DPYD: variants seen among roughly 807,000 people sequenced by gnomAD.
The protein encoded by DPYD is dihydropyrimidine dehydrogenase [NADP(+)].
Under a neutral mutation model 116.2 loss-of-function variants are expected in DPYD, and 109 were observed. The ratio of observed to expected loss-of-function variants is 0.94; its 90% CI spans 0.80 to 1.10. DPYD has a LOEUF of 1.10. Ranked by LOEUF, DPYD falls within the 50% of genes least tolerant of loss-of-function variation. The probability of loss-of-function intolerance (pLI) is 0.00; values close to 1 mark genes in which losing one functional copy is unlikely to be tolerated. For synonymous variants in DPYD, 440 were observed against 432.0 expected, an observed-to-expected ratio of 1.02 and a Z score of -0.23; for missense variants, 1,302 against 1,254.5, an observed-to-expected ratio of 1.04 and a Z score of -0.57.
rs142105096 is a variant in DPYD at position 97,159,944 on chromosome 1, T to C, written c.2622+33125A>G. Among the ~76,000 whole-genome samples the C allele has an allele frequency of 2.6e-3, 392 of 152,128 alleles. 1 individual carries two copies. Among genetic ancestry groups the C allele is most frequent in the African/African-American group, 9.1e-3 (380 of 41,546 alleles). On this transcript the variant is annotated intron_variant, in intron 20 of 22. Transcript: ENST00000370192. ...CTCCTTCCTTGTCTTCTTCTCTCCC[T>C]CCTTCCCTCTCTCCTGTCCTTCTTT...
chr1:97,237,611 T>G (rs1283293110), intron 18 of DPYD, among the ~76,000 whole-genome samples: 1 of 152,182 alleles, frequency 6.6e-6, no homozygotes, highest in Admixed American at 6.5e-5. Context: ...ACAGAATTTA[T>G]AGTGAGAATA....
intron 13 of DPYD, among the ~76,000 whole-genome samples, chr1:97,459,039 G>A (rs1676864689): frequency 6.6e-6 from 1 of 151,340 alleles, no homozygotes; most frequent in Non-Finnish European, 1.5e-5. Context: ...GTATATAATG[G>A]GATTATCAGA....
chr1:97,769,459 T>G (rs543829177), intron 3 of DPYD, among the ~76,000 whole-genome samples: 96 of 152,286 alleles, frequency 6.3e-4, no homozygotes, highest in African/African-American at 2.0e-3. Flanking sequence ...TTATATGATT[T>G]CATTTTAAAT....
At chr1:97,171,181 C>A (rs763163141) in intron 20 of DPYD, among the ~76,000 whole-genome samples, 1 of 152,038 alleles carries the variant, frequency 6.6e-6, no homozygotes, top group East Asian at 1.9e-4. Context: ...TGCCAATAAA[C>A]GGAAGGTCCA....
At chr1:97,153,370 G>A (rs1655176433) in intron 20 of DPYD, among the ~76,000 whole-genome samples, 1 of 152,040 alleles carries the variant, frequency 6.6e-6, no homozygotes, top group Non-Finnish European at 1.5e-5. Context: ...ATAGCCCCAG[G>A]AGAACATGGC....
chr1:97,181,061 A>G (rs80184654), intron 20 of DPYD, among the ~76,000 whole-genome samples: 10,784 of 152,172 alleles, frequency 0.071, 668 homozygotes, highest in East Asian at 0.27. Flanking sequence ...GGAAGTGGAA[A>G]TCCATGTTCT....
At chr1:97,545,689 G>A (rs2102069304) in intron 12 of DPYD, 1 of 812,648 alleles carries the variant, frequency 1.2e-6, no homozygotes, top group South Asian at 1.7e-5. Context: ...TAAAAACTGT[G>A]AAACTAAAAA....
intron 3 of DPYD, among the ~76,000 whole-genome samples, chr1:97,760,799 C>A (rs757550851): frequency 6.6e-6 from 1 of 152,060 alleles, no homozygotes; most frequent in Non-Finnish European, 1.5e-5. Flanking sequence ...GCAGAGATAG[C>A]CTAGAATCAA....
chr1:97,145,586 G>C (rs1654556161), intron 20 of DPYD, among the ~76,000 whole-genome samples: 1 of 152,100 alleles, frequency 6.6e-6, no homozygotes, highest in African/African-American at 2.4e-5. Context: ...TTGTCAAGTT[G>C]TTTTTGGACA....
rs543176228 is a variant in DPYD, at chr1:97,281,576, T to C, written c.2299+23683A>G. Among the ~76,000 whole-genome samples, 169 of 152,060 alleles carry C rather than the reference T, an allele frequency of 1.1e-3. 1 individual carries two copies. Among genetic ancestry groups the C allele is most frequent in the African/African-American group, 3.7e-3 (154 of 41,522 alleles). On this transcript the variant is annotated intron_variant, in intron 18 of 22. Transcript: ENST00000370192. ...TTATACCCAATCAAATTATTAAGTA[T>C]GAGGATAGAATAAAAACATTTTCAA... is the stretch of plus-strand genomic sequence containing the variant.
chr1:97,678,611 T>C (rs1485189055), intron 8 of DPYD, among the ~76,000 whole-genome samples: 2 of 152,166 alleles, frequency 1.3e-5, no homozygotes, highest in African/African-American at 4.8e-5. Context: ...TCAGGAGTAA[T>C]ACACTGTCTA....
At chr1:97,398,642 C>T (rs1673158110) in intron 14 of DPYD, among the ~76,000 whole-genome samples, 1 of 152,160 alleles carries the variant, frequency 6.6e-6, no homozygotes, top group African/African-American at 2.4e-5. Flanking sequence ...GCCATTCTAA[C>T]TGGTGTGAGA....
intron 14 of DPYD, among the ~76,000 whole-genome samples, chr1:97,443,937 G>A (rs1009853597): frequency 6.6e-6 from 1 of 152,102 alleles, no homozygotes; most frequent in Non-Finnish European, 1.5e-5. Flanking sequence ...CATCCTCCTC[G>A]CTTGCAGGAC....
chr1:97,880,024 A>G (rs1208401258), intron 2 of DPYD, among the ~76,000 whole-genome samples: 1 of 151,748 alleles, frequency 6.6e-6, no homozygotes, highest in Non-Finnish European at 1.5e-5. Context: ...ATATAGATAG[A>G]TATCTATATA....
chr1:97,803,788 C>T (rs559225386), intron 3 of DPYD, among the ~76,000 whole-genome samples: 6 of 151,766 alleles, frequency 4.0e-5, no homozygotes, highest in Admixed American at 2.6e-4. Flanking sequence ...TTTCATTATG[C>T]TTATATATTA....
intron 1 of DPYD, among the ~76,000 whole-genome samples, chr1:97,889,839 AT>A (rs1481526559): frequency 6.6e-6 from 1 of 152,042 alleles, no homozygotes; most frequent in Non-Finnish European, 1.5e-5. Context: ...TCTAGGATAT[AT>A]TGTATGCTAG....
intron 20 of DPYD, among the ~76,000 whole-genome samples, chr1:97,166,911 A>G (rs1656367490): frequency 6.6e-6 from 1 of 152,228 alleles, no homozygotes; most frequent in Non-Finnish European, 1.5e-5. Context: ...TTATCAAAGT[A>G]CCATATTATT....
chr1:97,878,836 T>C (rs1336026987), intron 2 of DPYD, among the ~76,000 whole-genome samples: 1 of 151,952 alleles, frequency 6.6e-6, no homozygotes, highest in Non-Finnish European at 1.5e-5. Flanking sequence ...TTCAAAACAA[T>C]GTGAGAACTT....
intron 3 of DPYD, among the ~76,000 whole-genome samples, chr1:97,751,456 GTGTGTATATATATATATATATA>G (rs1489139912): frequency 0.025 from 621 of 24,422 alleles, 17 homozygotes; most frequent in African/African-American, 0.067. Context: ...GTGTGTGTGT[GTGTGTATATATATATATATATA>G]TATATATATA....
Sources: gnomAD v4.1 joint callset for allele counts (sites outside exome capture counted in the v4.1 genomes callset) on GRCh38, gnomAD v4.1.1 for gene constraint, MANE v1.5 for transcripts, NCBI Gene and HGNC (gene_info 2026-07-23, HGNC 2026-07-21) for gene names.